The following CNTNAP2 variants were observed in gnomAD, a reference collection of about 807,000 sequenced individuals.
CNTNAP2 encodes the protein contactin-associated protein-like 2.
Under a neutral mutation model 155.2 loss-of-function variants are expected in CNTNAP2, and 98 were observed. The ratio of observed to expected loss-of-function variants is 0.63; its 90% CI spans 0.54 to 0.75. The LOEUF (loss-of-function observed/expected upper bound fraction) is 0.75, where lower values mean the gene tolerates loss of function less well. Among genes scored for constraint, CNTNAP2 ranks in the 30% least tolerant of loss-of-function variants. The probability of loss-of-function intolerance (pLI) is 0.00; values close to 1 mark genes in which losing one functional copy is unlikely to be tolerated. For synonymous variants in CNTNAP2, 651 were observed against 631.2 expected (o/e 1.03, Z -0.47); for missense variants, 1,727 against 1,688.1 (o/e 1.02, Z -0.40).
intron 13 of CNTNAP2, among the ~76,000 whole-genome samples, chr7:147,655,524 T>A (rs1795513346): frequency 6.6e-6 from 1 of 152,278 alleles, no homozygotes; most frequent in Non-Finnish European, 1.5e-5. Context: ...TTAATCTTGT[T>A]CATCTCCATG....
At chr7:146,956,086 C>G (rs1247941089) in intron 3 of CNTNAP2, among the ~76,000 whole-genome samples, 1 of 130,430 alleles carries the variant, frequency 7.7e-6, no homozygotes, top group East Asian at 1.9e-4. Context: ...TGAAGGAGAT[C>G]ATTAGATTCT....
At chr7:148,288,845 C>A (rs2116476634) in intron 21 of CNTNAP2, among the ~76,000 whole-genome samples, 1 of 148,548 alleles carries the variant, frequency 6.7e-6, no homozygotes, top group East Asian at 2.0e-4. Flanking sequence ...TCTTGGACAA[C>A]AACTACATGC....
chr7:148,248,201 T>G (rs1796307505), intron 20 of CNTNAP2, among the ~76,000 whole-genome samples: 1 of 112,436 alleles, frequency 8.9e-6, no homozygotes, highest in African/African-American at 2.8e-5. Context: ...ACCTGTTCTA[T>G]AATTTTTTTT....
chr7:147,785,032 T>C (rs1797719173), intron 13 of CNTNAP2, among the ~76,000 whole-genome samples: 1 of 152,036 alleles, frequency 6.6e-6, no homozygotes, highest in Admixed American at 6.5e-5. Context: ...TATTTGCAAA[T>C]ATAACACTGG....
chr7:147,249,985 C>T (rs1584819448), intron 8 of CNTNAP2, among the ~76,000 whole-genome samples: 1 of 152,140 alleles, frequency 6.6e-6, no homozygotes, highest in East Asian at 1.9e-4. Flanking sequence ...AGAGATGTAA[C>T]TGACTATTTG....
chr7:146,351,560 A>C (rs1794915103), intron 1 of CNTNAP2, among the ~76,000 whole-genome samples: 1 of 152,146 alleles, frequency 6.6e-6, no homozygotes, highest in Admixed American at 6.5e-5. Context: ...ATGTCTTAGA[A>C]AGTTTACCTG....
intron 1 of CNTNAP2, among the ~76,000 whole-genome samples, chr7:146,520,313 CATATAT>C (rs59563196): frequency 0.19 from 26,631 of 140,768 alleles, 3,169 homozygotes; most frequent in East Asian, 0.44. Flanking sequence ...TAGATATATT[CATATAT>C]ATATATATAT....
rs200796835 is a variant in CNTNAP2 at position 146,483,282 on chromosome 7, AATATATATATAT to A, written c.98-290953_98-290942del. On this transcript the variant is annotated intron_variant, in intron 1 of 23. Transcript: ENST00000361727. ...CAGAGCAAGACTCCGTCTAAAAAAAAATATATATATATATATATATATATATATATATATATA... is the reference window on the plus strand; with the variant it reads ...CAGAGCAAGACTCCGTCTAAAAAAAAATATATATATATATATATATATATA... 3.9e-3 allele frequency among the ~76,000 whole-genome samples: 156 copies of A among 39,864 alleles called. 1 individual carries two copies. Among genetic ancestry groups the A allele is most frequent in the Middle Eastern group, 0.013 (1 of 80 alleles). The allele number at this position is 39,864 out of a possible 152,430, so 26.2% of individuals were successfully genotyped here.
intron 3 of CNTNAP2, among the ~76,000 whole-genome samples, chr7:146,842,724 C>G (rs1252058833): frequency 6.6e-6 from 1 of 152,046 alleles, no homozygotes; most frequent in African/African-American, 2.4e-5. Context: ...CTCGCTCTTT[C>G]GCCCAGGCTG....
In CNTNAP2 at chr7:146,279,429, A is replaced by AACACACACAC. The variant is rs60178387; in HGVS notation, c.97+162481_97+162490dup. Among the ~76,000 whole-genome samples the AACACACACAC allele has an allele frequency of 5.2e-4, 75 of 144,698 alleles. 1 individual carries two copies. Among genetic ancestry groups the AACACACACAC allele is most frequent in the African/African-American group, 1.6e-3 (64 of 40,322 alleles). 94.9% of individuals were successfully genotyped at this position (144,698 alleles called of 152,430 possible). ...CTTCATTAAAAAATTCATTTCCTTA[A>AACACACACAC]ACACACACACACACACACACACACA... On this transcript the variant is annotated intron_variant, in intron 1 of 23. Coordinates refer to ENST00000361727, the MANE Select transcript of CNTNAP2 (RefSeq NM_014141.6).
chr7:147,295,458 T>C (rs1805419811), intron 8 of CNTNAP2, among the ~76,000 whole-genome samples: 1 of 152,168 alleles, frequency 6.6e-6, no homozygotes, highest in African/African-American at 2.4e-5. Flanking sequence ...ATAGGATGCT[T>C]ACAGATTGGT....
chr7:146,764,014 G>A (rs1457587329), intron 1 of CNTNAP2, among the ~76,000 whole-genome samples: 2 of 152,192 alleles, frequency 1.3e-5, no homozygotes, highest in Non-Finnish European at 2.9e-5. Context: ...CTAGGAAATA[G>A]ACTTGGTTTT....
intron 1 of CNTNAP2, among the ~76,000 whole-genome samples, chr7:146,128,357 G>C (rs1194590180): frequency 1.3e-5 from 2 of 152,110 alleles, no homozygotes; most frequent in African/African-American, 2.4e-5. Context: ...AAGCTCACTG[G>C]TTCCATCTTT....
intron 8 of CNTNAP2, among the ~76,000 whole-genome samples, chr7:147,295,775 A>G (rs953636202): frequency 1.3e-5 from 2 of 152,188 alleles, no homozygotes; most frequent in Non-Finnish European, 2.9e-5. Context: ...TTTTTATCAT[A>G]GATTACTGAG....
intron 3 of CNTNAP2, among the ~76,000 whole-genome samples, chr7:146,855,244 A>G (rs1186220582): frequency 1.3e-5 from 2 of 152,178 alleles, no homozygotes; most frequent in Non-Finnish European, 1.5e-5. Context: ...AGCATGTCCA[A>G]TAGAACAATA....
intron 1 of CNTNAP2, among the ~76,000 whole-genome samples, chr7:146,342,513 T>A (rs1319525861): frequency 6.6e-6 from 1 of 152,190 alleles, no homozygotes; most frequent in East Asian, 1.9e-4. Context: ...TTAATATATT[T>A]GCCTTATAAA....
chr7:146,769,197 C>T (rs1223642344), intron 1 of CNTNAP2, among the ~76,000 whole-genome samples: 3 of 152,200 alleles, frequency 2.0e-5, no homozygotes, highest in Admixed American at 2.0e-4. Flanking sequence ...TTTGCCATTG[C>T]TGTGTATGGC....
intron 12 of CNTNAP2, among the ~76,000 whole-genome samples, chr7:147,623,123 G>A (rs10274421): frequency 0.09 from 13,687 of 151,932 alleles, 1,709 homozygotes; most frequent in African/African-American, 0.26. Context: ...GCTATAATAA[G>A]AACTCTGTCA....
At chr7:146,121,542 A>G (rs919942953) in intron 1 of CNTNAP2, among the ~76,000 whole-genome samples, 2 of 152,182 alleles carry the variant, frequency 1.3e-5, no homozygotes, top group South Asian at 4.1e-4. Context: ...GAAATAAAAC[A>G]TGTACTTTAA....
Sources: allele counts gnomAD v4.1 joint callset (sites outside exome capture counted in the v4.1 genomes callset), GRCh38; gene constraint gnomAD v4.1.1; transcripts MANE v1.5; gene names NCBI Gene and HGNC (gene_info 2026-07-23, HGNC 2026-07-21).